GMDS: variants seen among roughly 807,000 people sequenced by gnomAD.
The protein encoded by GMDS is GDP-mannose 4,6 dehydratase.
GMDS carries 20 observed loss-of-function variants against 49.9 expected under a neutral mutation model. That is an observed-to-expected ratio of 0.40 (90% CI 0.28 to 0.58). The LOEUF is 0.58. GMDS is among the 20% of genes least tolerant of loss of function. GMDS has a pLI of 0.42. For missense variants in GMDS, 362 were observed against 481.4 expected (o/e 0.75, Z 2.32); for synonymous variants, 177 against 178.6 (o/e 0.99, Z 0.07).
At chr6:2,111,123 C>A (rs1312215395) in intron 4 of GMDS, among the ~76,000 whole-genome samples, 10 of 152,048 alleles carry the variant, frequency 6.6e-5, no homozygotes, top group Non-Finnish European at 1.0e-4. Context: ...ACATGGGGGA[C>A]GAATCGAAAA....
At chr6:2,128,323 C>T (rs1299090778) in intron 1 of GMDS, among the ~76,000 whole-genome samples, 1 of 151,928 alleles carries the variant, frequency 6.6e-6, no homozygotes, top group African/African-American at 2.4e-5. Flanking sequence ...TACAGGTGCC[C>T]ACCACCACAC....
intron 1 of GMDS, among the ~76,000 whole-genome samples, chr6:2,151,514 A>G (rs1417917776): frequency 6.6e-6 from 1 of 152,076 alleles, no homozygotes; most frequent in African/African-American, 2.4e-5. Flanking sequence ...TGTCTTTGTG[A>G]CTGTAATGCC....
chr6:1,632,707 T>C (rs1010415955), intron 9 of GMDS, among the ~76,000 whole-genome samples: 1 of 151,994 alleles, frequency 6.6e-6, no homozygotes, highest in Non-Finnish European at 1.5e-5. Flanking sequence ...CAGGACCCTG[T>C]CTCTACAAAA....
At chr6:1,645,514 G>A (rs1055709572) in intron 9 of GMDS, among the ~76,000 whole-genome samples, 3 of 152,200 alleles carry the variant, frequency 2.0e-5, no homozygotes, top group African/African-American at 7.2e-5. Context: ...TGGAGGTCCG[G>A]AGCCCTCGCC....
In GMDS at chr6:2,159,070, C is replaced by T. The variant is rs143441695; in HGVS notation, c.103-34339G>A. Among the ~76,000 whole-genome samples, 464 of 152,220 alleles carry T rather than the reference C, an allele frequency of 3.0e-3. 3 individuals carry two copies. The highest frequency in any genetic ancestry group is 4.9e-3 in the Non-Finnish European group (332 of 68,012). Reference sequence around the variant, plus strand: ...ATTTTTCCTCAATTTTTTAGAATTGCGACACTTCATGAAAGTCAACACTTC... The same window carrying T: ...ATTTTTCCTCAATTTTTTAGAATTGTGACACTTCATGAAAGTCAACACTTC... On this transcript the variant is annotated intron_variant, in intron 1 of 10. Transcript: ENST00000380815.
At chr6:1,812,508 G>C (rs944288391) in intron 7 of GMDS, among the ~76,000 whole-genome samples, 3 of 151,802 alleles carry the variant, frequency 2.0e-5, no homozygotes, top group African/African-American at 7.3e-5. Context: ...AGAAAGGGCA[G>C]AGGAAAGAAA....
At chr6:1,798,661 CG>C (rs1561811741) in intron 7 of GMDS, among the ~76,000 whole-genome samples, 1 of 152,154 alleles carries the variant, frequency 6.6e-6, no homozygotes, top group African/African-American at 2.4e-5. Context: ...CTTCTCTTGG[CG>C]TATTACTTGT....
At chr6:2,210,706 C>T (rs1780025950) in intron 1 of GMDS, among the ~76,000 whole-genome samples, 1 of 152,092 alleles carries the variant, frequency 6.6e-6, no homozygotes, top group African/African-American at 2.4e-5. Flanking sequence ...CCTGAACCCG[C>T]ATCTCTGGGC....
chr6:1,668,914 G>A (rs1337530669), intron 9 of GMDS, among the ~76,000 whole-genome samples: 1 of 152,236 alleles, frequency 6.6e-6, no homozygotes, highest in East Asian at 1.9e-4. Flanking sequence ...TATCAGCTCA[G>A]GAGAACAGAG....
chr6:2,195,072 A>G (rs772968893), intron 1 of GMDS, among the ~76,000 whole-genome samples: 1 of 152,250 alleles, frequency 6.6e-6, no homozygotes, highest in African/African-American at 2.4e-5. Flanking sequence ...TTATACACAC[A>G]TGAAGTTAGC....
At chr6:1,799,944 T>C (rs1561812526) in intron 7 of GMDS, among the ~76,000 whole-genome samples, 1 of 152,222 alleles carries the variant, frequency 6.6e-6, no homozygotes, top group Non-Finnish European at 1.5e-5. Flanking sequence ...GTTAAGATAG[T>C]AGGTCATTCA....
At chr6:1,626,491 T>C (rs1762851882) in intron 9 of GMDS, among the ~76,000 whole-genome samples, 1 of 152,238 alleles carries the variant, frequency 6.6e-6, no homozygotes, top group Non-Finnish European at 1.5e-5. Flanking sequence ...TATATATTTC[T>C]ACAGGCTTCT....
chr6:1,829,020 C>T (rs934946687), intron 7 of GMDS, among the ~76,000 whole-genome samples: 7 of 152,158 alleles, frequency 4.6e-5, no homozygotes, highest in Admixed American at 6.5e-5. Context: ...AAGAAAGCTA[C>T]GGGAAAAAGT....
chr6:1,734,389 C>A (rs1257847690), intron 8 of GMDS, among the ~76,000 whole-genome samples: 1 of 152,236 alleles, frequency 6.6e-6, no homozygotes, highest in Non-Finnish European at 1.5e-5. Flanking sequence ...TTATGAATGT[C>A]ACTTGCTGAA....
chr6:2,027,393 T>A (rs893782534), intron 4 of GMDS, among the ~76,000 whole-genome samples: 3 of 152,206 alleles, frequency 2.0e-5, no homozygotes, highest in African/African-American at 7.2e-5. Context: ...TCCTTTGAGT[T>A]TAGCATGCTC....
At chr6:1,761,908 A>G (rs1029317305) in intron 7 of GMDS, among the ~76,000 whole-genome samples, 6 of 152,336 alleles carry the variant, frequency 3.9e-5, no homozygotes, top group Non-Finnish European at 7.4e-5. Flanking sequence ...TGGAGACGAA[A>G]AAAAAACTAT....
At position 1,890,026 on chromosome 6, in the gene GMDS, C is replaced by T. The variant is rs760917692; in HGVS notation, c.771+40077G>A. ...TTATGAATTAATGGACATCATTCTACCAAAAGTTCCACTTTTTGGCTATTG... is the reference window on the plus strand; with the variant it reads ...TTATGAATTAATGGACATCATTCTATCAAAAGTTCCACTTTTTGGCTATTG... On this transcript the variant is annotated intron_variant, in intron 7 of 10. Transcript: ENST00000380815. 3.4e-4 allele frequency among the ~76,000 whole-genome samples: 51 copies of T among 152,076 alleles called. 1 individual carries two copies. Among genetic ancestry groups the T allele is most frequent in the Admixed American group, 3.9e-4 (6 of 15,270 alleles).
At chr6:1,827,854 A>G (rs776516791) in intron 7 of GMDS, among the ~76,000 whole-genome samples, 51 of 152,196 alleles carry the variant, frequency 3.4e-4, no homozygotes, top group Non-Finnish European at 6.8e-4. Flanking sequence ...AAGTTACCAC[A>G]TTCTAAGATT....
intron 4 of GMDS, 108 bp downstream of exon 4, chr6:2,115,663 G>A: frequency 1.5e-6 from 1 of 685,580 alleles, no homozygotes; most frequent in Non-Finnish European, 2.7e-6. Context: ...AATTCAACTT[G>A]AAGACTAAGA....
Sources: gnomAD v4.1 joint callset for allele counts (sites outside exome capture counted in the v4.1 genomes callset) on GRCh38, gnomAD v4.1.1 for gene constraint, MANE v1.5 for transcripts, NCBI Gene and HGNC (gene_info 2026-07-23, HGNC 2026-07-21) for gene names.